The following CEP192 variants were observed in gnomAD, a reference collection of about 807,000 sequenced individuals.
The protein encoded by CEP192 is centrosomal protein 192.
In CEP192, 151 loss-of-function variants were observed where a neutral mutation model predicts 271.8. The observed-to-expected ratio is 0.56, with a 90% CI of 0.49 to 0.64. CEP192 has a LOEUF of 0.64. Among genes scored for constraint, CEP192 ranks in the 30% least tolerant of loss-of-function variants. CEP192 has a pLI of 0.00. For missense variants in CEP192, 2,910 were observed against 3,020.5 expected (o/e 0.96, Z 0.86); for synonymous variants, 995 against 1,076.5 (o/e 0.92, Z 1.48).
At chr18:13,062,056 G>A (rs1017129959) in intron 21 of CEP192, among the ~76,000 whole-genome samples, 1 of 152,190 alleles carries the variant, frequency 6.6e-6, no homozygotes, top group African/African-American at 2.4e-5. Context: ...ACATATATCA[G>A]TGGTGTTTGG....
intron 9 of CEP192, among the ~76,000 whole-genome samples, chr18:13,028,855 C>A (rs1225467939): frequency 6.6e-6 from 1 of 152,134 alleles, no homozygotes; most frequent in African/African-American, 2.4e-5. Flanking sequence ...GTTGGCAAAG[C>A]ACCCAGTTAA....
At chr18:13,096,432 A>AG in intron 36 of CEP192, 125 bp downstream of exon 36, 2 of 1,264,640 alleles carry the variant, frequency 1.6e-6, no homozygotes, top group African/African-American at 1.5e-5. Context: ...ACTCTGCACA[A>AG]AGCATGTGCA....
chr18:12,996,897 C>T (rs1411759455), intron 1 of CEP192, among the ~76,000 whole-genome samples: 1 of 151,756 alleles, frequency 6.6e-6, no homozygotes, highest in Non-Finnish European at 1.5e-5. Context: ...GAGTGGGGTG[C>T]GTTCAGGAGA....
intron 42 of CEP192, among the ~76,000 whole-genome samples, chr18:13,115,675 G>A (rs1268754964): frequency 6.6e-6 from 1 of 152,150 alleles, no homozygotes; most frequent in Non-Finnish European, 1.5e-5. Flanking sequence ...TGGATAAAGG[G>A]GATGGCTGTG....
At chr18:13,060,680 T>G (rs2037361665) in intron 21 of CEP192, among the ~76,000 whole-genome samples, 1 of 152,096 alleles carries the variant, frequency 6.6e-6, no homozygotes, top group Admixed American at 6.5e-5. Context: ...CCCAGCACTT[T>G]GAGAGGTCAA....
intron 3 of CEP192, among the ~76,000 whole-genome samples, chr18:13,003,371 C>T (rs2033768878): frequency 6.7e-6 from 1 of 149,280 alleles, no homozygotes; most frequent in Non-Finnish European, 1.5e-5. Context: ...ATTGCTTGAA[C>T]CTGGGAGGTG....
At chr18:13,010,665 G>T (rs998339048) in intron 4 of CEP192, among the ~76,000 whole-genome samples, 2 of 152,044 alleles carry the variant, frequency 1.3e-5, no homozygotes, top group African/African-American at 4.8e-5. Flanking sequence ...TGACCAACAT[G>T]GAGAAACCCC....
At chr18:13,030,037 A>G (rs1205837735) in intron 10 of CEP192, 35 bp downstream of exon 10, 5 of 1,383,224 alleles carry the variant, frequency 3.6e-6, no homozygotes, top group Admixed American at 2.2e-5. Context: ...AGTGAAAGAA[A>G]TAGATGTTCA....
chr18:13,060,328 C>T (rs2037341803), intron 21 of CEP192, among the ~76,000 whole-genome samples: 1 of 152,070 alleles, frequency 6.6e-6, no homozygotes, highest in Admixed American at 6.5e-5. Flanking sequence ...AGAAAAAATA[C>T]ATTATAAAAG....
intron 42 of CEP192, among the ~76,000 whole-genome samples, chr18:13,114,522 T>C (rs1227990851): frequency 6.6e-6 from 1 of 152,234 alleles, no homozygotes; most frequent in Non-Finnish European, 1.5e-5. Flanking sequence ...GGCTTCTTTT[T>C]CTCAACATAC....
In CEP192 at chr18:13,095,611, G is replaced by A. The variant is rs150068017; in HGVS notation, c.6363G>A (p.Leu2121=). Residue 2121 remains leucine, a synonymous_variant, in exon 35 of 45, where the codon CTG becomes CTA. Coordinates refer to ENST00000506447, the MANE Select transcript of CEP192 (RefSeq NM_032142.4). ...TCTCACGGGCGGCTCGCCCGCCTCTGGATCAGCTGGCCTCCGAAGAGCCGT... is the reference window on the plus strand; with the variant it reads ...TCTCACGGGCGGCTCGCCCGCCTCTAGATCAGCTGGCCTCCGAAGAGCCGT... ...PLLSRAARPP[L]DQLASEEPWT... is the part of the protein sequence containing the mutation. 1.3e-4 allele frequency: 202 copies of A among 1,614,108 alleles called. No individual in the cohort carries two copies. Among genetic ancestry groups the A allele is most frequent in the African/African-American group, 2.8e-4 (21 of 75,052 alleles).
chr18:13,003,821 G>T (rs2033812087), intron 3 of CEP192, among the ~76,000 whole-genome samples: 1 of 152,170 alleles, frequency 6.6e-6, no homozygotes, highest in Admixed American at 6.5e-5. Flanking sequence ...CACTCTCGCG[G>T]TTATGTGGAA....
At chr18:13,095,760 C>T in intron 35 of CEP192, 79 bp downstream of exon 35, 1 of 1,229,128 alleles carries the variant, frequency 8.1e-7, no homozygotes, top group Non-Finnish European at 1.2e-6. Context: ...ATGGCCTATC[C>T]AAGACACACA....
intron 2 of CEP192, among the ~76,000 whole-genome samples, chr18:13,001,176 A>G (rs1400663930): frequency 2.0e-5 from 3 of 152,200 alleles, no homozygotes; most frequent in Non-Finnish European, 4.4e-5. Context: ...ACATTTAGTG[A>G]GGAGCACCAT....
chr18:13,073,531 A>G (rs566986107), intron 30 of CEP192, among the ~76,000 whole-genome samples: 114 of 152,372 alleles, frequency 7.5e-4, no homozygotes, highest in African/African-American at 2.6e-3. Context: ...TTTCTCAATT[A>G]TCAGCAAAAA....
intron 44 of CEP192, among the ~76,000 whole-genome samples, chr18:13,122,985 T>G (rs995544046): frequency 2.6e-5 from 4 of 152,230 alleles, no homozygotes; most frequent in African/African-American, 9.6e-5. Context: ...TCCATTTTAT[T>G]CAGTGTATCT....
chr18:13,103,278 C>G (rs983758578), intron 38 of CEP192, among the ~76,000 whole-genome samples: 5 of 152,180 alleles, frequency 3.3e-5, no homozygotes, highest in African/African-American at 1.2e-4. Flanking sequence ...TCTTATTGCT[C>G]CTCTGCATAA....
At chr18:13,012,663 G>T (rs2034432385) in intron 4 of CEP192, among the ~76,000 whole-genome samples, 1 of 151,938 alleles carries the variant, frequency 6.6e-6, no homozygotes, top group South Asian at 2.1e-4. Flanking sequence ...CCACTATTTG[G>T]GTTTGTCCCT....
chr18:13,025,953 G>A (rs2035274036), intron 9 of CEP192, among the ~76,000 whole-genome samples: 2 of 152,120 alleles, frequency 1.3e-5, no homozygotes, highest in African/African-American at 4.8e-5. Flanking sequence ...TTCTGTCTTT[G>A]ATGCTCTTCC....
Sources: allele counts gnomAD v4.1 joint callset (sites outside exome capture counted in the v4.1 genomes callset), GRCh38; gene constraint gnomAD v4.1.1; transcripts MANE v1.5; gene names NCBI Gene and HGNC (gene_info 2026-07-23, HGNC 2026-07-21).